Variants in POLR2G observed in about 807,000 individuals in gnomAD.
POLR2G encodes RNA polymerase II subunit G.
Under a neutral mutation model 25.7 loss-of-function variants are expected in POLR2G, and 19 were observed. The observed-to-expected ratio is 0.74, with a 90% CI of 0.52 to 1.08. POLR2G has a LOEUF of 1.08. Ranked by LOEUF, POLR2G falls within the 50% of genes least tolerant of loss-of-function variation. The pLI is 0.00. For missense variants in POLR2G, 123 were observed against 218.5 expected (o/e 0.56, Z 2.76); for synonymous variants, 79 against 76.0 (o/e 1.04, Z -0.21).
At position 62,761,913 on chromosome 11, in the gene POLR2G, C is replaced by T. The variant is rs756316341; in HGVS notation, c.122+9C>T. The stretch of plus-strand genomic sequence containing the variant: ...GGGACCTGCACAGGGAAGTGAGTGT[C>T]GAGCTCACCGCACCGCCAGATCGTT... On this transcript the variant is annotated intron_variant, in intron 2 of 7. Transcript: ENST00000301788. 9 of 1,569,094 alleles carry T rather than the reference C, an allele frequency of 5.7e-6. No homozygotes were observed. The highest frequency in any genetic ancestry group is 4.0e-5 in the African/African-American group (3 of 74,230).
At chr11:62,765,428 G>T in intron 5 of POLR2G, 23 bp downstream of exon 5, 1 of 1,592,378 alleles carries the variant, frequency 6.3e-7, no homozygotes, top group South Asian at 1.1e-5. Flanking sequence ...AAAGAAGTCA[G>T]GGAGACAAGG....
Position 62,761,910 on chromosome 11 carries a change from T to C in POLR2G, c.122+6T>C. ...GAGGGGACCTGCACAGGGAAGTGAG[T>C]GTCGAGCTCACCGCACCGCCAGATC... On this transcript the variant is annotated splice_donor_region_variant and intron_variant, in intron 2 of 7. Coordinates refer to ENST00000301788, the MANE Select transcript of POLR2G (RefSeq NM_002696.3). The C allele has an allele frequency of 6.3e-7, 1 of 1,583,808 alleles. No individual in the cohort carries two copies. The highest frequency in any genetic ancestry group is 2.2e-5 in the East Asian group (1 of 44,682).
Position 62,762,885 on chromosome 11 carries a change from T to C in POLR2G, c.141T>C (p.Ala47=). The stretch of plus-strand genomic sequence containing the variant: ...CTTGCAGGTATGGCTTTGTAATTGC[T>C]GTCACCACCATTGACAATATTGGTG... ...TCTGKYGFVI[A]VTTIDNIGAG... The change falls in exon 3 of 8, where the codon GCT becomes GCC. Residue 47 remains alanine, a synonymous_variant. Coordinates refer to ENST00000301788, the MANE Select transcript of POLR2G (RefSeq NM_002696.3). 6.3e-7 allele frequency: 1 copy of C among 1,596,918 alleles called. No individual in the cohort carries two copies. Among genetic ancestry groups the C allele is most frequent in the Non-Finnish European group, 8.6e-7 (1 of 1,167,222 alleles).
intron 7 of POLR2G, 80 bp downstream of exon 7, chr11:62,766,356 G>A (rs936235078): frequency 6.6e-7 from 1 of 1,514,786 alleles, no homozygotes; most frequent in Non-Finnish European, 9.2e-7. Flanking sequence ...AGGATTCAAT[G>A]CCCAAATCAG....
At position 62,764,522 on chromosome 11, in the gene POLR2G, C is replaced by T. The variant is rs372490152; in HGVS notation, c.283-660C>T. The stretch of plus-strand genomic sequence containing the variant: ...AAAAAAAAGAGAAAAGGGCTGGGTG[C>T]GCTGGCTCACACCTATAATCCCAGT... On this transcript the variant is annotated intron_variant, in intron 3 of 7. Coordinates refer to ENST00000301788, the MANE Select transcript of POLR2G (RefSeq NM_002696.3). 3.1e-4 allele frequency among the ~76,000 whole-genome samples: 47 copies of T among 151,974 alleles called. No individual in the cohort carries two copies. In the East Asian group the frequency reaches 3.9e-3, roughly 13 times the overall value.
In POLR2G at chr11:62,761,825, C is replaced by G. The variant is rs754194796; in HGVS notation, c.43C>G (p.Pro15Ala). Residue 15 changes from proline (P) to alanine (A), a missense_variant, in exon 2 of 8, where the codon CCG becomes GCG. Physicochemically the swap from Pro to Ala is conservative, Grantham distance 27 (BLOSUM62 -1). Coordinates refer to ENST00000301788, the MANE Select transcript of POLR2G (RefSeq NM_002696.3). The part of the protein sequence containing the change: ...ISLEHEILLH[P>A]RYFGPNLLNT... ...CCTAGAGCACGAAATCCTGCTGCAC[C>G]CGCGCTACTTCGGCCCCAACTTGCT... 6.2e-7 allele frequency: 1 copy of G among 1,614,020 alleles called. No individual in the cohort carries two copies. The highest frequency in any genetic ancestry group is 8.5e-7 in the Non-Finnish European group (1 of 1,180,006).
rs776083675 is a variant in POLR2G, at chr11:62,761,772, C to A, written c.13-23C>A. 6.8e-6 allele frequency: 11 copies of A among 1,610,346 alleles called. No homozygotes were observed. The Admixed American group carries it at 1.3e-4, about 20-fold the overall frequency. On this transcript the variant is annotated intron_variant, in intron 1 of 7. Coordinates refer to ENST00000301788, the MANE Select transcript of POLR2G (RefSeq NM_002696.3). ...ATAACCTGCCAGCGCCTGGCCTGGT[C>A]GCCATCCCACTTTTCTCCGCAGATC...
At chr11:62,761,936 G>A in intron 2 of POLR2G, 32 bp downstream of exon 2, 2 of 1,468,312 alleles carry the variant, frequency 1.4e-6, no homozygotes, top group South Asian at 1.1e-5. Context: ...CCGCCAGATC[G>A]TTCGATGCGC....
intron 5 of POLR2G, 114 bp from the exon 6 acceptor site, chr11:62,765,539 G>A (rs2084111245): frequency 3.7e-6 from 4 of 1,091,718 alleles, no homozygotes; most frequent in Admixed American, 1.7e-5. Flanking sequence ...ATGACTTTAC[G>A]ATGGTGTGAA....
chr11:62,766,008 C>A (rs1235097609), intron 6 of POLR2G, among the ~76,000 whole-genome samples: 1 of 151,814 alleles, frequency 6.6e-6, no homozygotes, highest in African/African-American at 2.4e-5. Context: ...AGGATGGTCT[C>A]GATCTCCTGA....
rs915845853 is a variant in POLR2G at position 62,762,154 on chromosome 11, G to A, written c.122+250G>A. 6 of 511,304 alleles carry A rather than the reference G, an allele frequency of 1.2e-5. No individual in the cohort carries two copies. In the Admixed American group the frequency reaches 1.6e-4, roughly 14 times the overall value. 31.7% of individuals were successfully genotyped at this position (511,304 alleles called of 1,614,324 possible). On this transcript the variant is annotated intron_variant, in intron 2 of 7. Transcript: ENST00000301788. ...CAAACATTTTAAAAACCCTTGGTGTGTGCCAGGACCCGTGTTGGGCTCAGA... is the reference window on the plus strand; with the variant it reads ...CAAACATTTTAAAAACCCTTGGTGTATGCCAGGACCCGTGTTGGGCTCAGA...
chr11:62,765,020 G>A (rs1011382391), intron 3 of POLR2G, among the ~76,000 whole-genome samples, 162 bp from the exon 4 acceptor site: 5 of 152,138 alleles, frequency 3.3e-5, no homozygotes, highest in East Asian at 1.9e-4. Flanking sequence ...CACCATGCCC[G>A]GCTAATTTTT....
In POLR2G at chr11:62,765,731, C is replaced by A; in HGVS notation, c.471+7C>A. On this transcript the variant is annotated splice_region_variant and intron_variant, in intron 6 of 7. Transcript: ENST00000301788. ...TGTGGACAAGAATGACATTGTGAGT[C>A]TTTTCCCCACCTCTCTACCTATACC... The A allele has an allele frequency of 6.5e-7, 1 of 1,538,182 alleles. No individual in the cohort carries two copies. Among genetic ancestry groups the A allele is most frequent in the Non-Finnish European group, 9.0e-7 (1 of 1,111,116 alleles).
rs1045219459 is a variant in POLR2G at position 62,761,632 on chromosome 11, C to T, written c.-17C>T. The T allele has an allele frequency of 5.0e-6, 8 of 1,608,134 alleles. No homozygotes were observed. The African/African-American group carries it at 8.0e-5, about 16-fold the overall frequency. ...TGTCGGAGGTGTGGACTCTGCCTGC[C>T]TACCTGGTCTGGGAAGATGTTCTAC... On this transcript the variant is annotated 5_prime_UTR_variant, in exon 1 of 8. Transcript: ENST00000301788.
chr11:62,762,300 C>A, intron 2 of POLR2G: 1 of 267,266 alleles, frequency 3.7e-6, no homozygotes, highest in Non-Finnish European at 7.7e-6. Context: ...TCCCCTGTGC[C>A]CAGGGACCAC....
At chr11:62,761,745 C>G in intron 1 of POLR2G, 50 bp from the exon 2 acceptor site, 1 of 1,606,150 alleles carries the variant, frequency 6.2e-7, no homozygotes. Flanking sequence ...CCTTGTCGTC[C>G]AATAACCTGC....
At chr11:62,763,379 C>T (rs1391353356) in intron 3 of POLR2G, among the ~76,000 whole-genome samples, 2 of 151,578 alleles carry the variant, frequency 1.3e-5, no homozygotes, top group Admixed American at 6.6e-5. Flanking sequence ...ACTGCAAGCT[C>T]CGCCTCCCGG....
At chr11:62,764,543 C>T (rs368097269) in intron 3 of POLR2G, among the ~76,000 whole-genome samples, 3 of 151,828 alleles carry the variant, frequency 2.0e-5, no homozygotes, top group African/African-American at 7.3e-5. Flanking sequence ...ACCTATAATC[C>T]CAGTGCTTTG....
intron 2 of POLR2G, 171 bp downstream of exon 2, chr11:62,762,075 G>T: frequency 1.7e-6 from 1 of 602,034 alleles, no homozygotes; most frequent in Admixed American, 2.9e-5. Flanking sequence ...CCTCTGCAAT[G>T]CTGGACAATA....
Sources: gnomAD v4.1 joint callset for allele counts (sites outside exome capture counted in the v4.1 genomes callset) on GRCh38, gnomAD v4.1.1 for gene constraint, MANE v1.5 for transcripts, NCBI Gene and HGNC (gene_info 2026-07-23, HGNC 2026-07-21) for gene names.